The following DNAJC1 variants were observed in gnomAD, a reference collection of about 807,000 sequenced individuals.
The protein encoded by DNAJC1 is dnaJ homolog subfamily C member 1.
Under a neutral mutation model 76.6 loss-of-function variants are expected in DNAJC1, and 58 were observed. The ratio of observed to expected loss-of-function variants is 0.76; its 90% CI spans 0.61 to 0.94. DNAJC1 has a LOEUF of 0.94. Ranked by LOEUF, DNAJC1 falls within the 40% of genes least tolerant of loss-of-function variation. The pLI, the probability that DNAJC1 is intolerant of heterozygous loss-of-function variation, is 0.00. For missense variants in DNAJC1, 689 were observed against 677.3 expected, an observed-to-expected ratio of 1.02 and a Z score of -0.19; for synonymous variants, 258 against 267.9, an observed-to-expected ratio of 0.96 and a Z score of 0.36.
intron 6 of DNAJC1, among the ~76,000 whole-genome samples, chr10:21,917,671 C>A (rs1008180312): frequency 6.6e-6 from 1 of 151,832 alleles, no homozygotes; most frequent in Non-Finnish European, 1.5e-5. Flanking sequence ...ATATAACACA[C>A]TAAACAACTT....
chr10:21,885,923 G>A (rs1818162255), intron 7 of DNAJC1, among the ~76,000 whole-genome samples: 1 of 152,006 alleles, frequency 6.6e-6, no homozygotes, highest in African/African-American at 2.4e-5. Flanking sequence ...ACAACGGAAA[G>A]AATTAGAGAA....
At chr10:21,929,179 C>CT (rs746095775) in intron 1 of DNAJC1, 38 bp from the exon 2 acceptor site, 4 of 1,447,612 alleles carry the variant, frequency 2.8e-6, no homozygotes, top group East Asian at 2.3e-5. Flanking sequence ...ACAAAGCAAA[C>CT]TTTGTCAGAA....
At chr10:21,834,685 G>T (rs1047284826) in intron 8 of DNAJC1, among the ~76,000 whole-genome samples, 3 of 152,198 alleles carry the variant, frequency 2.0e-5, no homozygotes, top group African/African-American at 7.2e-5. Context: ...CCCGCACCTG[G>T]TTCAGAGGGT....
chr10:21,928,981 C>A, intron 2 of DNAJC1, 59 bp downstream of exon 2: 2 of 1,022,012 alleles, frequency 2.0e-6, no homozygotes, highest in Non-Finnish European at 1.4e-6. Flanking sequence ...AATATTTCTA[C>A]CATCGACATG....
intron 7 of DNAJC1, among the ~76,000 whole-genome samples, chr10:21,897,247 C>T (rs1054348593): frequency 6.6e-6 from 1 of 152,114 alleles, no homozygotes; most frequent in Admixed American, 6.6e-5. Context: ...TATACCATGT[C>T]CTCGTGGTGT....
intron 1 of DNAJC1, among the ~76,000 whole-genome samples, chr10:21,967,208 G>A (rs529763983): frequency 1.3e-5 from 2 of 152,012 alleles, no homozygotes; most frequent in Admixed American, 1.3e-4. Context: ...AGTCAATCCC[G>A]GTTCCAATAC....
intron 8 of DNAJC1, among the ~76,000 whole-genome samples, chr10:21,828,379 A>G (rs1835298071): frequency 6.6e-6 from 1 of 152,262 alleles, no homozygotes; most frequent in African/African-American, 2.4e-5. Flanking sequence ...CCAGATATCC[A>G]GATAATGTTG....
chr10:21,903,036 T>C (rs1423325720), intron 7 of DNAJC1, among the ~76,000 whole-genome samples: 1 of 152,146 alleles, frequency 6.6e-6, no homozygotes, highest in East Asian at 1.9e-4. Context: ...CAAGTGATTC[T>C]CCTGCCTCAG....
chr10:21,802,659 G>A (rs1336164735), intron 9 of DNAJC1, among the ~76,000 whole-genome samples: 1 of 152,118 alleles, frequency 6.6e-6, no homozygotes, highest in Non-Finnish European at 1.5e-5. Context: ...CAAAGAGGCA[G>A]AAAAATCTCC....
intron 7 of DNAJC1, among the ~76,000 whole-genome samples, chr10:21,896,534 T>C (rs1836546127): frequency 6.6e-6 from 1 of 152,170 alleles, no homozygotes; most frequent in Non-Finnish European, 1.5e-5. Flanking sequence ...AACTGTTTGA[T>C]TTCACAGGTT....
At chr10:22,001,796 TA>T (rs1204167654) in intron 1 of DNAJC1, among the ~76,000 whole-genome samples, 2 of 152,252 alleles carry the variant, frequency 1.3e-5, no homozygotes, top group Non-Finnish European at 2.9e-5. Flanking sequence ...TAATCAATGA[TA>T]AATTCTAATT....
intron 9 of DNAJC1, among the ~76,000 whole-genome samples, chr10:21,788,613 A>T (rs1834642820): frequency 2.0e-5 from 3 of 152,106 alleles, no homozygotes. Context: ...ATGTTCGGCC[A>T]TTCTGGGCTA....
At chr10:21,964,621 C>T (rs928198501) in intron 1 of DNAJC1, among the ~76,000 whole-genome samples, 3 of 151,672 alleles carry the variant, frequency 2.0e-5, no homozygotes, top group South Asian at 4.2e-4. Context: ...CACTATTCAA[C>T]GTTACATCTC....
At position 21,839,587 on chromosome 10, in the gene DNAJC1, T is replaced by G. The variant is rs184050165; in HGVS notation, c.979-33488A>C. On this transcript the variant is annotated intron_variant, in intron 8 of 11. Transcript: ENST00000376980. The stretch of plus-strand genomic sequence containing the variant: ...ATCTCTGAATAGACCAATAACAGGC[T>G]CTGAAATTGAGGCAATAATCAATAG... Among the ~76,000 whole-genome samples, 445 of 152,208 alleles carry G rather than the reference T, an allele frequency of 2.9e-3. 4 individuals are homozygous for G. The highest frequency in any genetic ancestry group is 0.01 in the African/African-American group (418 of 41,508).
intron 9 of DNAJC1, among the ~76,000 whole-genome samples, chr10:21,802,448 C>T (rs1834823964): frequency 6.6e-6 from 1 of 152,028 alleles, no homozygotes; most frequent in Admixed American, 6.6e-5. Context: ...TATAAATTTC[C>T]CCCAATAGGA....
At chr10:21,774,151 A>AG (rs1834425632) in intron 9 of DNAJC1, among the ~76,000 whole-genome samples, 1 of 152,014 alleles carries the variant, frequency 6.6e-6, no homozygotes, top group African/African-American at 2.4e-5. Flanking sequence ...AAAAAAAAAA[A>AG]AAAAAAAAGA....
intron 7 of DNAJC1, among the ~76,000 whole-genome samples, chr10:21,896,510 T>C (rs1048866750): frequency 6.6e-6 from 1 of 152,190 alleles, no homozygotes; most frequent in East Asian, 1.9e-4. Context: ...ATCATTATAA[T>C]GTGGAAGCAT....
At chr10:21,813,214 C>A (rs868232547) in intron 8 of DNAJC1, among the ~76,000 whole-genome samples, 2,962 of 41,682 alleles carry the variant, frequency 0.071, 108 homozygotes, top group Non-Finnish European at 0.087. Context: ...CTCTCTCTCT[C>A]TCTCTCTATA....
At chr10:21,987,348 G>T (rs1838264750) in intron 1 of DNAJC1, among the ~76,000 whole-genome samples, 2 of 152,104 alleles carry the variant, frequency 1.3e-5, no homozygotes, top group South Asian at 4.1e-4. Flanking sequence ...GATTTAAAGA[G>T]TAAATACAAT....
Sources: gnomAD v4.1 joint callset for allele counts (sites outside exome capture counted in the v4.1 genomes callset) on GRCh38, gnomAD v4.1.1 for gene constraint, MANE v1.5 for transcripts, NCBI Gene and HGNC (gene_info 2026-07-23, HGNC 2026-07-21) for gene names.